ANKS3: variants seen among roughly 807,000 people sequenced by gnomAD.
The protein encoded by ANKS3 is ankyrin repeat and SAM domain-containing protein 3.
ANKS3 carries 62 observed loss-of-function variants against 80.7 expected under a neutral mutation model. That is an observed-to-expected ratio of 0.77 (90% CI 0.63 to 0.95). The LOEUF is 0.95. Ranked by LOEUF, ANKS3 falls within the 40% of genes least tolerant of loss-of-function variation. The pLI, the probability that ANKS3 is intolerant of heterozygous loss-of-function variation, is 0.00. For synonymous variants in ANKS3, 489 were observed against 355.3 expected (o/e 1.38, Z -4.23); for missense variants, 1,150 against 883.6 (o/e 1.30, Z -3.82).
chr16:4,698,202 G>C lies in ANKS3; in HGVS notation c.1725-140C>G, dbSNP rs1309860480. 6.1e-6 allele frequency: 7 copies of C among 1,153,714 alleles called. No individual in the cohort carries two copies. The East Asian group carries it at 1.3e-4, about 22-fold the overall frequency. 71.5% of individuals were successfully genotyped at this position (1,153,714 alleles called of 1,614,324 possible). A position where few individuals can be genotyped will look rare whatever the true frequency, so the allele number is the denominator to read the frequency against. ...CATGGGCTGGGCCAGTGCCCCATGA[G>C]GCTGCACTAAAGAGCAGGAGGGCGA... is the stretch of plus-strand genomic sequence containing the variant. On this transcript the variant is annotated intron_variant, in intron 14 of 17. Transcript: ENST00000304283.
At chr16:4,727,396 G>A (rs1398822715) in intron 3 of ANKS3, 1 of 598,976 alleles carries the variant, frequency 1.7e-6, no homozygotes, top group Non-Finnish European at 3.0e-6. Flanking sequence ...TCCTTGCTCT[G>A]ATTTCGCATC....
chr16:4,730,116 C>G lies in ANKS3; in HGVS notation c.34G>C (p.Glu12Gln). The change falls in exon 3 of 18, where the codon GAA (glutamate) becomes CAA (glutamine). Residue 12 changes from glutamate to glutamine, a missense_variant. Physicochemically the swap from Glu to Gln is conservative, Grantham distance 29 (BLOSUM62 2). Coordinates refer to ENST00000304283, the MANE Select transcript of ANKS3 (RefSeq NM_133450.4). Reference sequence around the variant, plus strand: ...ATGGACAAGCTGCGGTTCAGGAGTTCCGGCTCGCTGGCTTCATCGCTGAGC... The same window carrying G: ...ATGGACAAGCTGCGGTTCAGGAGTTGCGGCTCGCTGGCTTCATCGCTGAGC... ...SELSDEASEP[E>Q]LLNRSLSMWH... is the part of the protein sequence containing the mutation. 6.3e-7 allele frequency: 1 copy of G among 1,589,356 alleles called. No individual in the cohort carries two copies. The highest frequency in any genetic ancestry group is 2.3e-5 in the East Asian group (1 of 43,230).
At chr16:4,727,455 A>G in intron 3 of ANKS3, 1 of 520,266 alleles carries the variant, frequency 1.9e-6, no homozygotes, top group South Asian at 2.1e-5. Context: ...AGATAGGCAG[A>G]TGGCACTCAA....
intron 3 of ANKS3, chr16:4,727,665 C>T (rs2081421616): frequency 5.6e-6 from 1 of 180,118 alleles, no homozygotes; most frequent in African/African-American, 2.4e-5. Flanking sequence ...TCTACTAGCC[C>T]ACTGCTGGGT....
At chr16:4,733,616 A>G (rs2142188548) in intron 1 of ANKS3, among the ~76,000 whole-genome samples, 1 of 152,256 alleles carries the variant, frequency 6.6e-6, no homozygotes, top group East Asian at 1.9e-4. Context: ...AAATAATTCA[A>G]AGAGTATAAT....
chr16:4,715,954 A>G lies in ANKS3; in HGVS notation c.574-1768T>C, dbSNP rs534812887. ...AGAAGGAACTTAAAATAAGAGATTA[A>G]TGAGCTACGTGAGAGCATATCCAGA... On this transcript the variant is annotated intron_variant, in intron 6 of 17. Transcript: ENST00000304283. Among the ~76,000 whole-genome samples the G allele has an allele frequency of 4.6e-5, 7 of 152,244 alleles. No individual in the cohort carries two copies. The South Asian group carries it at 1.5e-3, about 32-fold the overall frequency.
Position 4,699,080 on chromosome 16 carries a change from CAGTG to C in ANKS3, c.1377_1380del (p.Thr460ArgfsTer4). 2.5e-6 allele frequency: 4 copies of C among 1,614,170 alleles called. No homozygotes were observed. Among genetic ancestry groups the C allele is most frequent in the Non-Finnish European group, 3.4e-6 (4 of 1,180,042 alleles). On this transcript the variant is annotated frameshift_variant, in exon 12 of 18. Coordinates refer to ENST00000304283, the MANE Select transcript of ANKS3 (RefSeq NM_133450.4). LOFTEE classifies it high-confidence loss of function. ...ATGCCAATTTCCTTCAGGTCGCTCT[CAGTG>C]AGGGTCAGAAAGATGCGGAGGTCCA...
chr16:4,701,468 C>T lies in ANKS3; in HGVS notation c.1085G>A (p.Gly362Glu). 6.2e-7 allele frequency: 1 copy of T among 1,610,432 alleles called. No individual in the cohort carries two copies. ...SSSEGLARAQ[G>E]LSSEASVESN... Reference sequence around the variant, plus strand: ...CTCCACAGAAGCTTCGCTGCTGAGCCCCTGGGCTCTGGCCAGGCCCTCGCT... The same window carrying T: ...CTCCACAGAAGCTTCGCTGCTGAGCTCCTGGGCTCTGGCCAGGCCCTCGCT... Residue 362 changes from glycine (G) to glutamate (E), a missense_variant, in exon 10 of 18, where the codon GGG becomes GAG. Gly to Glu is a moderately conservative substitution (Grantham distance 98). Coordinates refer to ENST00000304283, the MANE Select transcript of ANKS3 (RefSeq NM_133450.4).
intron 11 of ANKS3, chr16:4,700,653 C>A (rs1477524410): frequency 2.2e-6 from 1 of 451,028 alleles, no homozygotes; most frequent in Non-Finnish European, 4.2e-6. Context: ...CTGCTTCAAC[C>A]ACATCTTGTC....
intron 8 of ANKS3, among the ~76,000 whole-genome samples, chr16:4,704,205 C>G (rs758242983): frequency 6.6e-6 from 1 of 152,176 alleles, no homozygotes; most frequent in Non-Finnish European, 1.5e-5. Flanking sequence ...CAACCCAGCA[C>G]CCAGGCTTGG....
At position 4,726,889 on chromosome 16, in the gene ANKS3, C is replaced by T. The variant is rs900442286; in HGVS notation, c.369+90G>A. On this transcript the variant is annotated intron_variant, in intron 4 of 17. Coordinates refer to ENST00000304283, the MANE Select transcript of ANKS3 (RefSeq NM_133450.4). Reference sequence around the variant, plus strand: ...TCAGAAGTGATTACACGAGCACACACGAACACCGTGGCCTGCAGTGGTTCG... The same window carrying T: ...TCAGAAGTGATTACACGAGCACACATGAACACCGTGGCCTGCAGTGGTTCG... 5.7e-5 allele frequency: 91 copies of T among 1,600,612 alleles called. No individual in the cohort carries two copies. In the Admixed American group the frequency reaches 9.9e-4, roughly 17 times the overall value.
chr16:4,730,224 C>A, intron 2 of ANKS3, 73 bp from the exon 3 acceptor site: 1 of 1,347,760 alleles, frequency 7.4e-7, no homozygotes, highest in Non-Finnish European at 9.7e-7. Context: ...CTGGTCCTGC[C>A]CCTGCTACAC....
Position 4,701,149 on chromosome 16 carries a change from G to A in ANKS3, c.1120-15C>T, listed in dbSNP as rs192672796. ...TGATCCGAGTCCTGCAGTGAGAGGC[G>A]TGCATCTGAAAGAGTGCGCGGGCTA... On this transcript the variant is annotated splice_polypyrimidine_tract_variant and intron_variant, in intron 10 of 17. Coordinates refer to ENST00000304283, the MANE Select transcript of ANKS3 (RefSeq NM_133450.4). The A allele has an allele frequency of 1.5e-5, 25 of 1,613,628 alleles. No individual in the cohort carries two copies. Among genetic ancestry groups the A allele is most frequent in the South Asian group, 4.4e-5 (4 of 91,076 alleles).
At chr16:4,712,914 A>G (rs990471724) in intron 7 of ANKS3, among the ~76,000 whole-genome samples, 6 of 152,164 alleles carry the variant, frequency 3.9e-5, no homozygotes, top group African/African-American at 1.4e-4. Context: ...TAAAGCCCTA[A>G]AGAATCAATA....
intron 6 of ANKS3, among the ~76,000 whole-genome samples, chr16:4,720,801 G>A (rs1048186990): frequency 6.6e-6 from 1 of 150,658 alleles, no homozygotes; most frequent in Non-Finnish European, 1.5e-5. Flanking sequence ...GCTGGGCGTG[G>A]TGGCACACGC....
intron 7 of ANKS3, 76 bp from the exon 8 acceptor site, chr16:4,705,329 G>A: frequency 6.5e-7 from 1 of 1,527,470 alleles, no homozygotes; most frequent in South Asian, 1.2e-5. Flanking sequence ...CAAACTGAAA[G>A]AAAGTGACTG....
intron 6 of ANKS3, among the ~76,000 whole-genome samples, chr16:4,719,767 C>A (rs887218953): frequency 6.6e-6 from 1 of 151,958 alleles, no homozygotes; most frequent in African/African-American, 2.4e-5. Context: ...CCACTGCACT[C>A]TAGTGTGGTG....
rs757612833 is a variant in ANKS3 at position 4,697,030 on chromosome 16, A to G, written c.1969T>C (p.Ter657GlnextTer6). 2.5e-6 allele frequency: 4 copies of G among 1,611,760 alleles called. 1 individual carries two copies. The South Asian group carries it at 4.4e-5, about 18-fold the overall frequency. The change falls in exon 17 of 18, where the codon TAG becomes CAG. Residue 657 changes from the stop codon to glutamine, a stop_lost. Transcript: ENST00000304283. ...VLNGKKWRET* is the reference protein window; with the variant it reads ...VLNGKKWRETQ ...GCAGACACTCACCGGCCCGCAGGCT[A>G]GGTCTCCCGCCACTTCTTCCCGTTC...
intron 6 of ANKS3, among the ~76,000 whole-genome samples, chr16:4,721,684 G>A (rs886091169): frequency 1.3e-5 from 2 of 150,984 alleles, no homozygotes; most frequent in African/African-American, 4.8e-5. Context: ...TGTCACCCAG[G>A]CTGGAGTGCA....
Sources: gnomAD v4.1 joint callset for allele counts (sites outside exome capture counted in the v4.1 genomes callset) on GRCh38, gnomAD v4.1.1 for gene constraint, MANE v1.5 for transcripts, NCBI Gene and HGNC (gene_info 2026-07-23, HGNC 2026-07-21) for gene names.